Variants in LMNTD1 observed in about 807,000 individuals in gnomAD.
LMNTD1 encodes lamin tail domain containing 1.
A neutral mutation model predicts 50.9 loss-of-function variants in LMNTD1; 35 were observed. That is an observed-to-expected ratio of 0.69 (90% CI 0.53 to 0.91). LMNTD1 has a LOEUF of 0.91. LMNTD1 is among the 40% of genes least tolerant of loss of function. The pLI is 0.00. For missense variants in LMNTD1, 470 were observed against 475.5 expected (o/e 0.99, Z 0.11); for synonymous variants, 153 against 161.9 (o/e 0.94, Z 0.42).
At chr12:25,633,380 T>A (rs1946761589) in intron 1 of LMNTD1, among the ~76,000 whole-genome samples, 5 of 152,120 alleles carry the variant, frequency 3.3e-5, no homozygotes, top group Admixed American at 3.3e-4. Context: ...ACACATTCTA[T>A]TCAACAGCAC....
In LMNTD1 at chr12:25,479,404, T is replaced by G. The variant is rs562703538; in HGVS notation, c.*23-2944A>C. Among the ~76,000 whole-genome samples, 4 of 152,292 alleles carry G rather than the reference T, an allele frequency of 2.6e-5. No individual in the cohort carries two copies. The East Asian group carries it at 7.7e-4, about 29-fold the overall frequency. On this transcript the variant is annotated intron_variant, in intron 9 of 9. Coordinates refer to ENST00000458174, the MANE Select transcript of LMNTD1 (RefSeq NM_001145728.2). ...GCTATGGGAGAAACAGTACCATATA[T>G]TAGATGCTGATTCAGAACATACACA...
rs1480202150 is a variant in LMNTD1 at position 25,527,679 on chromosome 12, T to TACACAC, written c.492-725_492-724insGTGTGT. 1.6e-3 allele frequency among the ~76,000 whole-genome samples: 30 copies of TACACAC among 19,244 alleles called. No homozygotes were observed. The East Asian group carries it at 0.016, about 10-fold the overall frequency. The allele number at this position is 19,244 out of a possible 152,430, so 12.6% of individuals were successfully genotyped here. ...ATATATATATATATATATATATATA[T>TACACAC]ATACACACACACACACACACACACA... On this transcript the variant is annotated intron_variant, in intron 4 of 9. Coordinates refer to ENST00000458174, the MANE Select transcript of LMNTD1 (RefSeq NM_001145728.2).
intron 1 of LMNTD1, among the ~76,000 whole-genome samples, chr12:25,635,109 AC>A (rs1286410713): frequency 1.3e-5 from 2 of 151,882 alleles, no homozygotes; most frequent in African/African-American, 2.4e-5. Context: ...GCATCGTGGC[AC>A]ATGCCTGTAA....
intron 5 of LMNTD1, 35 bp from the exon 6 acceptor site, chr12:25,526,253 A>G: frequency 6.3e-7 from 1 of 1,596,346 alleles, no homozygotes; most frequent in Non-Finnish European, 8.5e-7. Flanking sequence ...ATGCCACTGG[A>G]GTTGAACACA....
At chr12:25,601,093 T>C (rs1358643897) in intron 1 of LMNTD1, among the ~76,000 whole-genome samples, 2 of 151,928 alleles carry the variant, frequency 1.3e-5, no homozygotes, top group African/African-American at 4.8e-5. Flanking sequence ...TGTGGTACTA[T>C]ACATAGTGGA....
At position 25,527,677 on chromosome 12, in the gene LMNTD1, T is replaced by TACACAC. The variant is rs1312734491; in HGVS notation, c.492-723_492-722insGTGTGT. Among the ~76,000 whole-genome samples, 43 of 19,546 alleles carry TACACAC rather than the reference T, an allele frequency of 2.2e-3. No homozygotes were observed. The Admixed American group carries it at 0.024, about 11-fold the overall frequency. 12.8% of individuals were successfully genotyped at this position (19,546 alleles called of 152,430 possible). ...ATATATATATATATATATATATATA[T>TACACAC]ATATACACACACACACACACACACA... On this transcript the variant is annotated intron_variant, in intron 4 of 9. Coordinates refer to ENST00000458174, the MANE Select transcript of LMNTD1 (RefSeq NM_001145728.2).
At chr12:25,559,166 G>C (rs1944170779) in intron 1 of LMNTD1, among the ~76,000 whole-genome samples, 1 of 151,830 alleles carries the variant, frequency 6.6e-6, no homozygotes, top group Non-Finnish European at 1.5e-5. Context: ...ATTTACATTA[G>C]GTATATCTCC....
chr12:25,646,199 G>A (rs1016154964), intron 1 of LMNTD1, among the ~76,000 whole-genome samples: 2 of 151,914 alleles, frequency 1.3e-5, no homozygotes, highest in South Asian at 2.1e-4. Flanking sequence ...GGTGGAAGAC[G>A]TACCCCTTGC....
intron 8 of LMNTD1, among the ~76,000 whole-genome samples, chr12:25,513,496 T>G (rs888085710): frequency 2.0e-5 from 3 of 151,968 alleles, no homozygotes; most frequent in Non-Finnish European, 2.9e-5. Context: ...ATTAGCTGGG[T>G]GTGGTGGCGT....
chr12:25,593,300 A>C lies in LMNTD1; in HGVS notation c.59-46746T>G, dbSNP rs1454445291. Among the ~76,000 whole-genome samples, 2 of 152,184 alleles carry C rather than the reference A, an allele frequency of 1.3e-5. 1 individual carries two copies. The highest frequency in any genetic ancestry group is 2.9e-5 in the Non-Finnish European group (2 of 68,030). On this transcript the variant is annotated intron_variant, in intron 1 of 7. Transcript: ENST00000445693. ...CAACCAAAGCCAAGGACCCTTACAGAGCACATTTTCCTCCCCTGCCACCTC... is the reference window on the plus strand; with the variant it reads ...CAACCAAAGCCAAGGACCCTTACAGCGCACATTTTCCTCCCCTGCCACCTC...
chr12:25,554,632 G>A (rs932275267), upstream of LMNTD1, among the ~76,000 whole-genome samples: 2 of 152,158 alleles, frequency 1.3e-5, no homozygotes, highest in African/African-American at 4.8e-5. Context: ...TAAAGATTCG[G>A]GTCGGGTATT....
chr12:25,633,707 A>G (rs1334042349), intron 1 of LMNTD1, among the ~76,000 whole-genome samples: 4 of 152,138 alleles, frequency 2.6e-5, no homozygotes, highest in African/African-American at 9.7e-5. Flanking sequence ...AGCCCTAAAC[A>G]CCTACATCAA....
intron 1 of LMNTD1, among the ~76,000 whole-genome samples, chr12:25,587,867 A>C (rs1476285584): frequency 1.3e-5 from 2 of 152,220 alleles, no homozygotes; most frequent in African/African-American, 4.8e-5. Context: ...GAAACAAAAA[A>C]GCTAGGTGAA....
At chr12:25,582,375 T>G (rs1275817799) in intron 1 of LMNTD1, 1 of 152,236 alleles carries the variant, frequency 6.6e-6, no homozygotes, top group Non-Finnish European at 1.5e-5. Flanking sequence ...CAGCTGTTAT[T>G]TTTCATACCT....
upstream of LMNTD1, among the ~76,000 whole-genome samples, chr12:25,555,330 T>C (rs878925356): frequency 2.0e-5 from 3 of 152,290 alleles, 1 homozygote; most frequent in Admixed American, 2.0e-4. Flanking sequence ...AGAATAACAG[T>C]AGCAATAATA....
intron 4 of LMNTD1, among the ~76,000 whole-genome samples, chr12:25,536,866 G>A (rs1007550977): frequency 2.6e-5 from 4 of 152,264 alleles, no homozygotes; most frequent in African/African-American, 4.8e-5. Context: ...GTCAGTGGGT[G>A]CACGCACCGT....
At chr12:25,568,658 C>G (rs886918730) in intron 1 of LMNTD1, among the ~76,000 whole-genome samples, 54 of 152,238 alleles carry the variant, frequency 3.5e-4, no homozygotes, top group African/African-American at 1.3e-3. Flanking sequence ...CCTGCATCAC[C>G]TGGGGGTGCT....
chr12:25,553,047 T>C (rs1471923960), intron 1 of LMNTD1, 22 bp downstream of exon 1: 2 of 1,610,400 alleles, frequency 1.2e-6, no homozygotes, highest in Non-Finnish European at 1.7e-6. Flanking sequence ...AAGGCAGATT[T>C]TTCTTTTCAA....
intron 1 of LMNTD1, among the ~76,000 whole-genome samples, chr12:25,573,618 G>GC (rs1384268534): frequency 6.6e-6 from 1 of 152,012 alleles, no homozygotes; most frequent in Non-Finnish European, 1.5e-5. Flanking sequence ...GGTCCGTGAT[G>GC]CCTATTTTGT....
Sources: gnomAD v4.1 joint callset for allele counts (sites outside exome capture counted in the v4.1 genomes callset) on GRCh38, gnomAD v4.1.1 for gene constraint, MANE v1.5 for transcripts, NCBI Gene and HGNC (gene_info 2026-07-23, HGNC 2026-07-21) for gene names.